The following RBMS1 variants were observed in gnomAD, a reference collection of about 807,000 sequenced individuals.
RBMS1 encodes RNA binding motif single stranded interacting protein 1.
RBMS1 carries 17 observed loss-of-function variants against 62.3 expected under a neutral mutation model. The ratio of observed to expected loss-of-function variants is 0.27; its 90% confidence interval spans 0.19 to 0.41. The LOEUF (loss-of-function observed/expected upper bound fraction) is 0.41. RBMS1 is among the 10% of genes least tolerant of loss of function. The pLI is 1.00. For synonymous variants in RBMS1, 172 were observed against 170.0 expected, an observed-to-expected ratio of 1.01 and a Z score of -0.09; for missense variants, 334 against 504.5, an observed-to-expected ratio of 0.66 and a Z score of 3.24.
chr2:160,444,152 G>A (rs538964641), intron 1 of RBMS1, among the ~76,000 whole-genome samples: 6 of 152,276 alleles, frequency 3.9e-5, no homozygotes, highest in Admixed American at 2.0e-4. Context: ...GTGTGTGTGT[G>A]CGTATAAGAG....
At chr2:160,472,016 G>C (rs1490217108) in intron 1 of RBMS1, among the ~76,000 whole-genome samples, 1 of 151,928 alleles carries the variant, frequency 6.6e-6, no homozygotes, top group Admixed American at 6.6e-5. Context: ...AGGTAAACTT[G>C]TATGAAGCAG....
rs1688134099 is a variant in RBMS1, at chr2:160,282,179, T to G, written c.901-815A>C. Reference sequence around the variant, plus strand: ...AACAACAAAACCCTCCTGCATTTTATCCCCTATTGTTAACTTCAGAGGTTC... The same window carrying G: ...AACAACAAAACCCTCCTGCATTTTAGCCCCTATTGTTAACTTCAGAGGTTC... On this transcript the variant is annotated intron_variant, in intron 9 of 13. Coordinates refer to ENST00000348849, the MANE Select transcript of RBMS1 (RefSeq NM_016836.4). 30 of 1,229,934 alleles carry G rather than the reference T, an allele frequency of 2.4e-5. No homozygotes were observed. In the South Asian group the frequency reaches 2.9e-4, roughly 12 times the overall value. The allele number at this position is 1,229,934 out of a possible 1,614,324, so 76.2% of individuals were successfully genotyped here. A position where few individuals can be genotyped will look rare whatever the true frequency, so the allele number is the denominator to read the frequency against.
intron 2 of RBMS1, among the ~76,000 whole-genome samples, chr2:160,363,094 T>C (rs1693217883): frequency 6.6e-6 from 1 of 152,248 alleles, no homozygotes; most frequent in African/African-American, 2.4e-5. Context: ...TTATTTGATT[T>C]AATGCTTATC....
chr2:160,386,223 C>A (rs564214870), intron 1 of RBMS1, among the ~76,000 whole-genome samples: 2 of 152,300 alleles, frequency 1.3e-5, no homozygotes, highest in East Asian at 3.9e-4. Context: ...GAAATCCTAA[C>A]CCCTAATGTA....
Position 160,406,672 on chromosome 2 carries a change from TG to T in RBMS1, c.76-39282del, listed in dbSNP as rs564590226. On this transcript the variant is annotated intron_variant, in intron 1 of 13. Transcript: ENST00000348849. Reference sequence around the variant, plus strand: ...TTATTGCTGCTGCTGAAAGGCTCTGTGAGATGTATCACAACATGGCTTCAGT... The same window carrying T: ...TTATTGCTGCTGCTGAAAGGCTCTGTAGATGTATCACAACATGGCTTCAGT... Among the ~76,000 whole-genome samples, 140 of 152,334 alleles carry T rather than the reference TG, an allele frequency of 9.2e-4. 1 individual carries two copies. The highest frequency in any genetic ancestry group is 3.3e-3 in the African/African-American group (136 of 41,580).
At chr2:160,449,216 C>T (rs7424644) in intron 1 of RBMS1, among the ~76,000 whole-genome samples, 42,267 of 149,922 alleles carry the variant, frequency 0.28, 6,616 homozygotes, top group East Asian at 0.6. Context: ...GGGCAGCCCC[C>T]GCCAGGCCAG....
chr2:160,316,855 C>G (rs919503473), intron 3 of RBMS1, among the ~76,000 whole-genome samples: 1 of 100,500 alleles, frequency 1.0e-5, no homozygotes, highest in African/African-American at 3.0e-5. Flanking sequence ...GGTGATCAGC[C>G]TCCTATTTTT....
At chr2:160,460,621 G>A (rs1472264500) in intron 1 of RBMS1, among the ~76,000 whole-genome samples, 2 of 152,198 alleles carry the variant, frequency 1.3e-5, no homozygotes, top group African/African-American at 4.8e-5. Flanking sequence ...CAGGCCATTG[G>A]ACAACCTGTT....
At chr2:160,450,814 C>G (rs1178775818) in intron 1 of RBMS1, among the ~76,000 whole-genome samples, 1 of 152,042 alleles carries the variant, frequency 6.6e-6, no homozygotes, top group Non-Finnish European at 1.5e-5. Flanking sequence ...ACTTAAATAC[C>G]TTACTTAATA....
At position 160,402,061 on chromosome 2, in the gene RBMS1, G is replaced by A. The variant is rs574418268; in HGVS notation, c.76-34670C>T. On this transcript the variant is annotated intron_variant, in intron 1 of 13. Coordinates refer to ENST00000348849, the MANE Select transcript of RBMS1 (RefSeq NM_016836.4). ...AGGCGACTGTGTCAAGGTCTCCCTA[G>A]ACCACACAGAAGTCTCCTAGGACCA... The A allele has an allele frequency of 2.0e-5, 3 of 152,294 alleles. No individual in the cohort carries two copies. In the East Asian group the frequency reaches 5.8e-4, roughly 29 times the overall value. 9.4% of individuals were successfully genotyped at this position (152,294 alleles called of 1,614,324 possible).
At chr2:160,275,513 C>T (rs1001203132) in intron 13 of RBMS1, 117 bp downstream of exon 13, 19 of 1,457,676 alleles carry the variant, frequency 1.3e-5, no homozygotes, top group South Asian at 4.7e-5. Flanking sequence ...GCCTTGGCCA[C>T]GATTAAAGCA....
intron 1 of RBMS1, among the ~76,000 whole-genome samples, chr2:160,484,412 G>A (rs967734450): frequency 1.3e-5 from 2 of 151,290 alleles, no homozygotes; most frequent in African/African-American, 4.9e-5. Flanking sequence ...GGAGAATGGC[G>A]TGAACCCGGG....
At chr2:160,405,339 T>C (rs985512589) in intron 1 of RBMS1, among the ~76,000 whole-genome samples, 2 of 152,044 alleles carry the variant, frequency 1.3e-5, no homozygotes, top group Non-Finnish European at 2.9e-5. Context: ...AACTGCATCA[T>C]ATACCTAAAA....
intron 1 of RBMS1, among the ~76,000 whole-genome samples, chr2:160,375,816 G>T (rs1004393443): frequency 1.3e-5 from 2 of 151,178 alleles, no homozygotes; most frequent in Non-Finnish European, 2.9e-5. Flanking sequence ...CCAGATCCAT[G>T]CCAGTTTTCT....
intron 4 of RBMS1, among the ~76,000 whole-genome samples, chr2:160,311,665 C>G (rs747004146): frequency 2.9e-5 from 4 of 140,014 alleles, no homozygotes; most frequent in Non-Finnish European, 6.3e-5. Flanking sequence ...CTCAAAAGAT[C>G]AAACTGCTGA....
At chr2:160,435,389 T>C (rs964953652) in intron 1 of RBMS1, among the ~76,000 whole-genome samples, 2 of 152,246 alleles carry the variant, frequency 1.3e-5, no homozygotes, top group East Asian at 1.9e-4. Context: ...CCTCATTTTA[T>C]AGATTAAAAG....
intron 1 of RBMS1, among the ~76,000 whole-genome samples, chr2:160,382,288 T>G (rs891191189): frequency 2.0e-5 from 3 of 152,196 alleles, no homozygotes; most frequent in African/African-American, 7.2e-5. Flanking sequence ...ATCATATCAT[T>G]TTCCTCACTG....
chr2:160,467,261 C>T (rs753224173), intron 1 of RBMS1, among the ~76,000 whole-genome samples: 1 of 150,512 alleles, frequency 6.6e-6, no homozygotes, highest in African/African-American at 2.4e-5. Context: ...GCAAAATGAA[C>T]GCAGCTGACC....
intron 1 of RBMS1, among the ~76,000 whole-genome samples, chr2:160,444,935 C>A (rs1238506584): frequency 6.6e-6 from 1 of 152,166 alleles, no homozygotes; most frequent in Non-Finnish European, 1.5e-5. Context: ...TCCCATCCTC[C>A]AGAACTGTGA....
Sources: allele counts gnomAD v4.1 joint callset (sites outside exome capture counted in the v4.1 genomes callset), GRCh38; gene constraint gnomAD v4.1.1; transcripts MANE v1.5; gene names NCBI Gene and HGNC (gene_info 2026-07-23, HGNC 2026-07-21).